Variants in EPHB1 observed in about 807,000 individuals in gnomAD.
EPHB1 encodes the protein EPH receptor B1.
A neutral mutation model predicts 94.4 loss-of-function variants in EPHB1; 30 were observed. The observed-to-expected ratio is 0.32, with a 90% confidence interval of 0.24 to 0.43. The LOEUF (loss-of-function observed/expected upper bound fraction) is 0.43, where lower values mean the gene tolerates loss of function less well. Among genes scored for constraint, EPHB1 ranks in the 20% least tolerant of loss-of-function variants. The pLI is 1.00. For missense variants in EPHB1, 1,055 were observed against 1,308.3 expected, an observed-to-expected ratio of 0.81 and a Z score of 2.99; for synonymous variants, 522 against 489.1, an observed-to-expected ratio of 1.07 and a Z score of -0.89.
intron 1 of EPHB1, among the ~76,000 whole-genome samples, chr3:134,922,244 T>C (rs1205748428): frequency 6.6e-6 from 1 of 151,860 alleles, no homozygotes; most frequent in Non-Finnish European, 1.5e-5. Context: ...TGCAAATGAG[T>C]GCGCTCTTCC....
intron 3 of EPHB1, among the ~76,000 whole-genome samples, chr3:135,070,615 A>G (rs1032248787): frequency 6.6e-6 from 1 of 152,156 alleles, no homozygotes; most frequent in Non-Finnish European, 1.5e-5. Flanking sequence ...GCATTTGCTT[A>G]TTATTATGAG....
intron 1 of EPHB1, among the ~76,000 whole-genome samples, chr3:134,911,149 C>T (rs1167377410): frequency 2.6e-5 from 4 of 152,188 alleles, no homozygotes; most frequent in Non-Finnish European, 4.4e-5. Flanking sequence ...AATCATGCAG[C>T]AGGAAAGGCT....
intron 1 of EPHB1, among the ~76,000 whole-genome samples, chr3:134,875,695 G>A (rs902488860): frequency 5.3e-5 from 8 of 152,140 alleles, no homozygotes; most frequent in Non-Finnish European, 1.0e-4. Flanking sequence ...ACCATAGATC[G>A]CTGTACCTAA....
In EPHB1 at chr3:135,113,046, A is replaced by G. The variant is rs375823467; in HGVS notation, c.961+6443A>G. ...ATCCATGTTGCCCGTTAAAAAATAC[A>G]TTTGTGTTTTTGAAGGGGAGGTAGT... On this transcript the variant is annotated intron_variant, in intron 4 of 15. Transcript: ENST00000398015. 1.2e-4 allele frequency among the ~76,000 whole-genome samples: 18 copies of G among 152,322 alleles called. No individual in the cohort carries two copies. The East Asian group carries it at 1.5e-3, about 13-fold the overall frequency.
chr3:135,046,550 A>G lies in EPHB1; in HGVS notation c.806-59898A>G, dbSNP rs549476910. 5.9e-5 allele frequency among the ~76,000 whole-genome samples: 9 copies of G among 152,352 alleles called. No homozygotes were observed. In the South Asian group the frequency reaches 1.9e-3, roughly 32 times the overall value. ...CTACTGTACAAGAGACCTGGTTCCC[A>G]TTTACATCTACCCCTTGGTGTCTGT... On this transcript the variant is annotated intron_variant, in intron 3 of 15. Transcript: ENST00000398015.
chr3:134,963,135 C>CTCCTTCCTTCCT (rs59384593), intron 3 of EPHB1, among the ~76,000 whole-genome samples: 5,146 of 136,966 alleles, frequency 0.038, 137 homozygotes, highest in East Asian at 0.078. Context: ...CCTTCTCTTG[C>CTCCTTCCTTCCT]TCCTTCCTTC....
intron 1 of EPHB1, among the ~76,000 whole-genome samples, chr3:134,888,209 T>G (rs1355910833): frequency 6.6e-6 from 1 of 152,172 alleles, no homozygotes; most frequent in Middle Eastern, 3.2e-3. Context: ...CTGGGGGTCT[T>G]CCTTGACTGA....
chr3:134,947,214 AAT>A (rs1322229581), intron 2 of EPHB1, among the ~76,000 whole-genome samples: 3 of 152,334 alleles, frequency 2.0e-5, no homozygotes, highest in Admixed American at 6.5e-5. Flanking sequence ...AATATAAAGC[AAT>A]GAGACTGATT....
At chr3:135,211,729 G>A (rs1383355346) in intron 12 of EPHB1, among the ~76,000 whole-genome samples, 5 of 151,914 alleles carry the variant, frequency 3.3e-5, no homozygotes, top group African/African-American at 4.8e-5. Flanking sequence ...ATTCGTATAC[G>A]CATTGTGTCA....
intron 4 of EPHB1, among the ~76,000 whole-genome samples, chr3:135,107,379 G>A (rs1453667881): frequency 6.6e-6 from 1 of 152,228 alleles, no homozygotes; most frequent in African/African-American, 2.4e-5. Context: ...TGTGGAAGGA[G>A]GCAATCACTA....
chr3:135,039,160 G>A (rs1576337512), intron 3 of EPHB1, among the ~76,000 whole-genome samples: 1 of 152,048 alleles, frequency 6.6e-6, no homozygotes, highest in Non-Finnish European at 1.5e-5. Context: ...TAGATACAGA[G>A]TGCCGATTGG....
chr3:134,989,148 G>A (rs1934703467), intron 3 of EPHB1, among the ~76,000 whole-genome samples: 1 of 152,150 alleles, frequency 6.6e-6, no homozygotes, highest in South Asian at 2.1e-4. Flanking sequence ...CTGGCACCAC[G>A]GTGGAAGTGG....
chr3:135,114,537 T>TA (rs56100882), intron 4 of EPHB1, among the ~76,000 whole-genome samples: 21,251 of 37,058 alleles, frequency 0.57, 7,773 homozygotes, highest in Non-Finnish European at 0.66. Flanking sequence ...CTGTCTCTAC[T>TA]AAAAAAAAAA....
At chr3:135,140,739 C>T (rs1322881906) in intron 5 of EPHB1, among the ~76,000 whole-genome samples, 1 of 152,184 alleles carries the variant, frequency 6.6e-6, no homozygotes. Context: ...GCTGCTTGAG[C>T]AATTGCAGGG....
At chr3:134,898,070 G>A (rs1159662901) in intron 1 of EPHB1, among the ~76,000 whole-genome samples, 6 of 152,120 alleles carry the variant, frequency 3.9e-5, no homozygotes, top group Non-Finnish European at 5.9e-5. Flanking sequence ...AGCTGACATC[G>A]ATTCCGGAGT....
At chr3:135,045,059 G>A (rs994630651) in intron 3 of EPHB1, among the ~76,000 whole-genome samples, 5 of 152,160 alleles carry the variant, frequency 3.3e-5, no homozygotes, top group African/African-American at 4.8e-5. Flanking sequence ...AGACCCCTGG[G>A]AGATCCTGTC....
intron 4 of EPHB1, among the ~76,000 whole-genome samples, chr3:135,127,758 A>G (rs549879684): frequency 6.6e-6 from 1 of 152,298 alleles, no homozygotes; most frequent in East Asian, 1.9e-4. Context: ...CCCAAATCAC[A>G]TTAAGAAGCA....
At chr3:135,168,559 C>T (rs1241008553) in intron 9 of EPHB1, among the ~76,000 whole-genome samples, 2 of 152,190 alleles carry the variant, frequency 1.3e-5, no homozygotes, top group African/African-American at 2.4e-5. Flanking sequence ...CCTTACCTTC[C>T]CCAACTGGAA....
At chr3:134,914,015 G>A (rs964347214) in intron 1 of EPHB1, among the ~76,000 whole-genome samples, 1 of 152,186 alleles carries the variant, frequency 6.6e-6, no homozygotes, top group Non-Finnish European at 1.5e-5. Flanking sequence ...AGGCTGTACC[G>A]AGAGCCCACA....
Sources: gnomAD v4.1 joint callset for allele counts (sites outside exome capture counted in the v4.1 genomes callset) on GRCh38, gnomAD v4.1.1 for gene constraint, MANE v1.5 for transcripts, NCBI Gene and HGNC (gene_info 2026-07-23, HGNC 2026-07-21) for gene names.